The following CPXM2 variants were observed in gnomAD, a reference collection of about 807,000 sequenced individuals.
CPXM2 encodes the protein inactive carboxypeptidase-like protein X2.
In CPXM2, 66 loss-of-function variants were observed where a neutral mutation model predicts 86.1. The observed-to-expected ratio is 0.77, with a 90% CI of 0.63 to 0.94. The LOEUF is 0.94. Ranked by LOEUF, CPXM2 falls within the 40% of genes least tolerant of loss-of-function variation. CPXM2 has a pLI of 0.00. For missense variants in CPXM2, 948 were observed against 1,026.3 expected (o/e 0.92, Z 1.04); for synonymous variants, 388 against 400.2 (o/e 0.97, Z 0.36).
At chr10:123,883,297 G>A (rs927354026) in intron 1 of CPXM2, among the ~76,000 whole-genome samples, 17 of 152,350 alleles carry the variant, frequency 1.1e-4, no homozygotes, top group Non-Finnish European at 1.9e-4. Context: ...CAGCACCTTC[G>A]CTGGGGAGGA....
In CPXM2 at chr10:123,762,039, T is replaced by C; in HGVS notation, c.1610A>G (p.Gln537Arg). 6.2e-7 allele frequency: 1 copy of C among 1,613,944 alleles called. No homozygotes were observed. Among genetic ancestry groups the C allele is most frequent in the Non-Finnish European group, 8.5e-7 (1 of 1,179,964 alleles). The change falls in exon 11 of 14, where the codon CAG becomes CGG. Residue 537 changes from glutamine to arginine, a missense_variant. Gln to Arg is a conservative substitution (Grantham distance 43). Coordinates refer to ENST00000241305, the MANE Select transcript of CPXM2 (RefSeq NM_198148.3). ...GTCGTCGGGGGTGGGGGTGTGTTCC[T>C]GCGTCTTCCAGGGGGACCGCACCAG... The part of the protein sequence containing the change: ...YDLVRSPWKT[Q>R]EHTPTPDDHV...
At chr10:123,912,312 G>GGGC (rs1945496528) in intron 2 of CPXM2, among the ~76,000 whole-genome samples, 1 of 122,250 alleles carries the variant, frequency 8.2e-6, no homozygotes. Context: ...GGTGGGCGGG[G>GGGC]GGGGGGGGGC....
At chr10:123,772,658 G>A (rs1846672436) in intron 7 of CPXM2, among the ~76,000 whole-genome samples, 1 of 151,968 alleles carries the variant, frequency 6.6e-6, no homozygotes, top group African/African-American at 2.4e-5. Context: ...CTCCCTCTTT[G>A]TGGTCATCAC....
At chr10:123,784,081 G>A (rs565489388) in intron 6 of CPXM2, among the ~76,000 whole-genome samples, 2 of 152,288 alleles carry the variant, frequency 1.3e-5, no homozygotes, top group South Asian at 2.1e-4. Flanking sequence ...GTGCTTGAGA[G>A]TGTGACCTTG....
rs148077416 is a variant in CPXM2, at chr10:123,832,629, C to A, written c.653+9720G>T. On this transcript the variant is annotated intron_variant, in intron 4 of 13. Coordinates refer to ENST00000241305, the MANE Select transcript of CPXM2 (RefSeq NM_198148.3). ...ATCACCTGAGGTCAGGAGTTCAAGA[C>A]CAGTCTGACCAACATGGCGAAACCC... Among the ~76,000 whole-genome samples, 154 of 152,088 alleles carry A rather than the reference C, an allele frequency of 1.0e-3. 1 individual carries two copies. Among genetic ancestry groups the A allele is most frequent in the African/African-American group, 3.6e-3 (148 of 41,444 alleles).
chr10:123,813,432 T>C (rs1847738567), intron 4 of CPXM2, among the ~76,000 whole-genome samples: 1 of 152,202 alleles, frequency 6.6e-6, no homozygotes, highest in African/African-American at 2.4e-5. Flanking sequence ...ATGCTTCTCT[T>C]TTCCCTAGGT....
At chr10:123,894,229 T>C (rs1482912414), upstream of CPXM2, among the ~76,000 whole-genome samples, 4 of 152,148 alleles carry the variant, frequency 2.6e-5, no homozygotes, top group African/African-American at 9.7e-5. Flanking sequence ...CTTTACCGCT[T>C]TTCAGCACCT....
chr10:123,942,362 T>C (rs915061860), upstream of CPXM2, among the ~76,000 whole-genome samples: 7 of 152,100 alleles, frequency 4.6e-5, no homozygotes, highest in Admixed American at 1.3e-4. Context: ...CAGGATGAGA[T>C]AGGAGGTCAG....
At chr10:123,919,910 AGAG>A (rs1945567494) in intron 2 of CPXM2, among the ~76,000 whole-genome samples, 2 of 152,144 alleles carry the variant, frequency 1.3e-5, no homozygotes, top group Admixed American at 6.5e-5. Context: ...AGCATGAGAG[AGAG>A]GAGGAGGTTC....
intron 4 of CPXM2, among the ~76,000 whole-genome samples, chr10:123,806,146 T>C (rs1041813495): frequency 6.6e-6 from 1 of 152,208 alleles, no homozygotes; most frequent in African/African-American, 2.4e-5. Context: ...CCTTTGCTAT[T>C]TCTTTTAAAC....
intron 6 of CPXM2, among the ~76,000 whole-genome samples, chr10:123,790,449 T>C (rs535936622): frequency 2.0e-5 from 3 of 152,312 alleles, no homozygotes; most frequent in South Asian, 2.1e-4. Flanking sequence ...GTGGAAAAGG[T>C]TGTTTACCGA....
chr10:123,841,664 T>C (rs1848389399), intron 4 of CPXM2, among the ~76,000 whole-genome samples: 1 of 152,210 alleles, frequency 6.6e-6, no homozygotes, highest in South Asian at 2.1e-4. Context: ...GCTGTACCCA[T>C]GTGTAGCATG....
chr10:123,871,722 C>T (rs1396303139), intron 2 of CPXM2, among the ~76,000 whole-genome samples: 7 of 152,052 alleles, frequency 4.6e-5, no homozygotes, highest in African/African-American at 7.2e-5. Flanking sequence ...GATGATTGGT[C>T]TATATTAAAT....
chr10:123,751,693 G>A (rs1846080284), intron 13 of CPXM2: 1 of 985,226 alleles, frequency 1.0e-6, no homozygotes, highest in Non-Finnish European at 1.2e-6. Context: ...TTTATTTTAT[G>A]CAAAATCCAT....
intron 2 of CPXM2, among the ~76,000 whole-genome samples, chr10:123,919,613 A>AT (rs989960268): frequency 6.6e-6 from 1 of 152,194 alleles, no homozygotes; most frequent in Non-Finnish European, 1.5e-5. Flanking sequence ...TACAAATAGA[A>AT]TTTTTTTGAA....
At chr10:123,892,296 C>T (rs369671834), upstream of CPXM2, among the ~76,000 whole-genome samples, 1 of 152,070 alleles carries the variant, frequency 6.6e-6, no homozygotes, top group Admixed American at 6.5e-5. Flanking sequence ...GAGTAAAGTT[C>T]CCTGGGAGCA....
intron 6 of CPXM2, among the ~76,000 whole-genome samples, chr10:123,790,158 G>A (rs1847173714): frequency 6.6e-6 from 1 of 152,178 alleles, no homozygotes; most frequent in Non-Finnish European, 1.5e-5. Context: ...GAGAGCAGGG[G>A]TGCGAGCCGG....
At chr10:123,867,338 A>C (rs1944807389) in intron 2 of CPXM2, among the ~76,000 whole-genome samples, 1 of 152,206 alleles carries the variant, frequency 6.6e-6, no homozygotes, top group Non-Finnish European at 1.5e-5. Flanking sequence ...AAGAATGAGA[A>C]AGTAAGGGGC....
At chr10:123,771,584 T>A (rs535399504) in intron 7 of CPXM2, among the ~76,000 whole-genome samples, 75 of 152,170 alleles carry the variant, frequency 4.9e-4, no homozygotes, top group Non-Finnish European at 9.6e-4. Context: ...CCTCTAGAAC[T>A]CTGAATAGAT....
Sources: allele counts gnomAD v4.1 joint callset (sites outside exome capture counted in the v4.1 genomes callset), GRCh38; gene constraint gnomAD v4.1.1; transcripts MANE v1.5; gene names NCBI Gene and HGNC (gene_info 2026-07-23, HGNC 2026-07-21).